POU2F1: variants seen among roughly 807,000 people sequenced by gnomAD.
POU2F1 encodes the protein POU class 2 homeobox 1, also known as POU domain, class 2, transcription factor 1.
POU2F1 carries 16 observed loss-of-function variants against 84.9 expected under a neutral mutation model. That is an observed-to-expected ratio of 0.19 (90% CI 0.13 to 0.29). The LOEUF (loss-of-function observed/expected upper bound fraction) is 0.29. Ranked by LOEUF, POU2F1 falls within the 10% of genes least tolerant of loss-of-function variation. The probability of loss-of-function intolerance (pLI) is 1.00; values close to 1 mark genes in which losing one functional copy is unlikely to be tolerated. For synonymous variants in POU2F1, 368 were observed against 368.3 expected, an observed-to-expected ratio of 1.00 and a Z score of 0.01; for missense variants, 738 against 942.6, an observed-to-expected ratio of 0.78 and a Z score of 2.84.
chr1:167,284,964 C>T (rs1367595034), intron 1 of POU2F1, among the ~76,000 whole-genome samples: 9 of 152,114 alleles, frequency 5.9e-5, no homozygotes, highest in Non-Finnish European at 1.0e-4. Flanking sequence ...TATCTATACT[C>T]GATTCATTTG....
chr1:167,360,277 C>T (rs1659269692), intron 2 of POU2F1, among the ~76,000 whole-genome samples: 1 of 152,100 alleles, frequency 6.6e-6, no homozygotes, highest in Admixed American at 6.6e-5. Context: ...TTTGCTTAGG[C>T]CAATGTTTAC....
chr1:167,418,955 G>A lies in POU2F1; in HGVS notation c.*3145G>A, dbSNP rs536328984. ...TTTTTTACTTATTTAAAAATAAGTT[G>A]TGAAATGAAAGGTACATTTACACAT... On this transcript the variant is annotated 3_prime_UTR_variant, in exon 16 of 16. Coordinates refer to ENST00000367866, the MANE Select transcript of POU2F1 (RefSeq NM_002697.4). The A allele has an allele frequency of 7.9e-5, 12 of 152,176 alleles. No individual in the cohort carries two copies. The highest frequency in any genetic ancestry group is 2.7e-4 in the African/African-American group (11 of 41,504). The allele number at this position is 152,176 out of a possible 1,614,324, so 9.4% of individuals were successfully genotyped here.
In POU2F1 at chr1:167,220,941, C is replaced by T. The variant is rs1328963624; in HGVS notation, c.44C>T (p.Ala15Val). 6.5e-7 allele frequency: 1 copy of T among 1,535,192 alleles called. No homozygotes were observed. Among genetic ancestry groups the T allele is most frequent in the East Asian group, 2.4e-5 (1 of 40,902 alleles). ...GAASQDESSA[A>V]AAAAADSRMN... ...GCGAGTCAAGATGAGAGTTCAGCCG[C>T]GGCGGCAGCAGCAGCAGGTAATCAT... Residue 15 changes from alanine (A) to valine (V), a missense_variant, in exon 1 of 16, where the codon GCG (alanine) becomes GTG (valine). This residue lies in a region of POU2F1 where 161 missense variants were observed against 147.0 expected (regional missense o/e 1.10). Transcript: ENST00000367866.
At chr1:167,399,840 A>AT (rs1367951811) in intron 12 of POU2F1, among the ~76,000 whole-genome samples, 4 of 150,556 alleles carry the variant, frequency 2.7e-5, no homozygotes, top group African/African-American at 9.8e-5. Flanking sequence ...TTCCCGGCTA[A>AT]TTTTTTGTAC....
At chr1:167,310,969 A>G (rs1312376378) in intron 1 of POU2F1, among the ~76,000 whole-genome samples, 1 of 152,154 alleles carries the variant, frequency 6.6e-6, no homozygotes, top group Non-Finnish European at 1.5e-5. Flanking sequence ...AAAGAGAACA[A>G]ATAATCAGTG....
chr1:167,221,258 C>T (rs1648127156), intron 1 of POU2F1, among the ~76,000 whole-genome samples: 1 of 151,058 alleles, frequency 6.6e-6, no homozygotes, highest in Non-Finnish European at 1.5e-5. Context: ...GGCCCTCCTC[C>T]TCTGCCGGCC....
chr1:167,311,402 A>T (rs1424088235), intron 1 of POU2F1, among the ~76,000 whole-genome samples: 3 of 152,180 alleles, frequency 2.0e-5, no homozygotes, highest in African/African-American at 7.2e-5. Context: ...GAATGAAGGG[A>T]AAATCAAGAC....
chr1:167,254,571 CATT>C (rs1348651380), intron 1 of POU2F1, among the ~76,000 whole-genome samples: 1 of 152,152 alleles, frequency 6.6e-6, no homozygotes, highest in African/African-American at 2.4e-5. Context: ...TAATTTTACT[CATT>C]GTTAACAATC....
chr1:167,224,737 C>T (rs899380827), intron 1 of POU2F1, among the ~76,000 whole-genome samples: 1 of 152,002 alleles, frequency 6.6e-6, no homozygotes, highest in African/African-American at 2.4e-5. Flanking sequence ...TACTTTTGAA[C>T]CCACATGAGT....
chr1:167,294,963 A>G (rs993627421), intron 1 of POU2F1, among the ~76,000 whole-genome samples: 3 of 151,962 alleles, frequency 2.0e-5, no homozygotes, highest in East Asian at 3.9e-4. Context: ...ATGAAACCCC[A>G]TCTCTACTAA....
intron 1 of POU2F1, among the ~76,000 whole-genome samples, chr1:167,297,404 C>T (rs2102554020): frequency 6.6e-6 from 1 of 152,340 alleles, no homozygotes; most frequent in East Asian, 1.9e-4. Context: ...CTCTGCACTT[C>T]TGTGTTTTGC....
rs1571399523 is a variant in POU2F1, at chr1:167,376,877, T to G, written c.718+722T>G. ...AGAGATAAGTAATTCAGTATTTACT[T>G]GCAGAGGGCTCACAATTTAGTGGCA... On this transcript the variant is annotated intron_variant, in intron 7 of 15. Coordinates refer to ENST00000367866, the MANE Select transcript of POU2F1 (RefSeq NM_002697.4). Among the ~76,000 whole-genome samples the G allele has an allele frequency of 2.0e-5, 3 of 152,338 alleles. No individual in the cohort carries two copies. In the South Asian group the frequency reaches 6.2e-4, roughly 32 times the overall value.
At chr1:167,237,153 A>G (rs950061158) in intron 1 of POU2F1, among the ~76,000 whole-genome samples, 2 of 152,212 alleles carry the variant, frequency 1.3e-5, no homozygotes, top group South Asian at 4.1e-4. Context: ...AACTAGGGTT[A>G]ACATACAGCA....
At chr1:167,365,052 C>T (rs1659597599) in intron 2 of POU2F1, among the ~76,000 whole-genome samples, 1 of 152,180 alleles carries the variant, frequency 6.6e-6, no homozygotes, top group East Asian at 1.9e-4. Context: ...AATAATAAGT[C>T]TTTCTTGCTC....
intron 1 of POU2F1, among the ~76,000 whole-genome samples, chr1:167,319,471 CT>C (rs984153808): frequency 5.9e-5 from 9 of 152,012 alleles, no homozygotes; most frequent in African/African-American, 1.9e-4. Context: ...TGTTTCCCCC[CT>C]TTTGCTTTTG....
At chr1:167,293,505 A>G (rs1456664679) in intron 1 of POU2F1, among the ~76,000 whole-genome samples, 1 of 152,230 alleles carries the variant, frequency 6.6e-6, no homozygotes, top group Non-Finnish European at 1.5e-5. Context: ...AGCACAACTC[A>G]TGCTCATGGA....
intron 1 of POU2F1, among the ~76,000 whole-genome samples, chr1:167,226,379 T>C (rs1320238356): frequency 6.6e-6 from 1 of 152,244 alleles, no homozygotes; most frequent in Non-Finnish European, 1.5e-5. Flanking sequence ...TCACAGAGAA[T>C]AGCAGTTTCC....
chr1:167,344,395 G>C lies in POU2F1; in HGVS notation c.127+11860G>C, dbSNP rs372020141. Reference sequence around the variant, plus strand: ...TGGGCCTTTTAAAGATTTTAGTTAAGTGGTTTGGAAAGAAATTGCTGTGGT... The same window carrying C: ...TGGGCCTTTTAAAGATTTTAGTTAACTGGTTTGGAAAGAAATTGCTGTGGT... On this transcript the variant is annotated intron_variant, in intron 2 of 15. Coordinates refer to ENST00000367866, the MANE Select transcript of POU2F1 (RefSeq NM_002697.4). 7.9e-5 allele frequency among the ~76,000 whole-genome samples: 12 copies of C among 152,266 alleles called. No homozygotes were observed. The East Asian group carries it at 2.3e-3, about 29-fold the overall frequency.
rs1000806361 is a variant in POU2F1, at chr1:167,247,281, G to A, written c.61+26323G>A. Among the ~76,000 whole-genome samples the A allele has an allele frequency of 2.0e-5, 3 of 152,030 alleles. No individual in the cohort carries two copies. In the East Asian group the frequency reaches 5.8e-4, roughly 29 times the overall value. ...TTTGTAGAGACGGTTGCCCAGGCTA[G>A]TCTCAAACTCCTGGCCTTGAGTGAT... On this transcript the variant is annotated intron_variant, in intron 1 of 15. Transcript: ENST00000367866.
Sources: allele counts gnomAD v4.1 joint callset (sites outside exome capture counted in the v4.1 genomes callset), GRCh38; gene constraint gnomAD v4.1.1; regional missense constraint gnomAD v4.1.1; transcripts MANE v1.5; gene names NCBI Gene and HGNC (gene_info 2026-07-23, HGNC 2026-07-21).